The following PLSCR4 variants were observed in gnomAD, a reference collection of about 807,000 sequenced individuals.
The protein encoded by PLSCR4 is phospholipid scramblase 4, also known as Ca(2+)-dependent phospholipid scramblase 4.
A neutral mutation model predicts 36.3 loss-of-function variants in PLSCR4; 25 were observed. That is an observed-to-expected ratio of 0.69 (90% CI 0.50 to 0.96). PLSCR4 has a LOEUF of 0.96. Ranked by LOEUF, PLSCR4 falls within the 40% of genes least tolerant of loss-of-function variation. PLSCR4 has a pLI of 0.00. For synonymous variants in PLSCR4, 122 were observed against 132.9 expected (o/e 0.92, Z 0.56); for missense variants, 408 against 414.7 (o/e 0.98, Z 0.14).
intron 1 of PLSCR4, among the ~76,000 whole-genome samples, chr3:146,239,912 C>A (rs1382075664): frequency 1.3e-5 from 2 of 151,660 alleles, no homozygotes; most frequent in African/African-American, 2.4e-5. Flanking sequence ...TACTTAAATG[C>A]AAAAGATAAA....
At chr3:146,231,311 G>T (rs2035701754) in intron 1 of PLSCR4, among the ~76,000 whole-genome samples, 1 of 152,062 alleles carries the variant, frequency 6.6e-6, no homozygotes, top group African/African-American at 2.4e-5. Flanking sequence ...CTATTGTGCT[G>T]CAATGAATAT....
At chr3:146,196,123 GA>G (rs1239412885) in intron 7 of PLSCR4, among the ~76,000 whole-genome samples, 1 of 151,880 alleles carries the variant, frequency 6.6e-6, no homozygotes, top group Non-Finnish European at 1.5e-5. Context: ...TCTTTTTATT[GA>G]AAAAAATGTT....
chr3:146,239,535 A>C (rs1225951102), intron 1 of PLSCR4, among the ~76,000 whole-genome samples: 2 of 152,014 alleles, frequency 1.3e-5, no homozygotes, highest in Admixed American at 1.3e-4. Flanking sequence ...AAAAAAAAAA[A>C]AAAACTTGGA....
chr3:146,232,740 G>C (rs2035764861), intron 1 of PLSCR4, among the ~76,000 whole-genome samples: 2 of 152,214 alleles, frequency 1.3e-5, no homozygotes, highest in South Asian at 4.1e-4. Context: ...GAGCCTTTGG[G>C]CAAAGACCAT....
intron 4 of PLSCR4, among the ~76,000 whole-genome samples, chr3:146,205,730 T>C (rs1202343972): frequency 6.6e-6 from 1 of 152,072 alleles, no homozygotes; most frequent in Non-Finnish European, 1.5e-5. Context: ...TATGAATGGT[T>C]TATTTCTAGA....
At chr3:146,213,509 G>C (rs1576464854) in intron 3 of PLSCR4, among the ~76,000 whole-genome samples, 1 of 151,920 alleles carries the variant, frequency 6.6e-6, no homozygotes, top group African/African-American at 2.4e-5. Flanking sequence ...TTTTAGTAGA[G>C]ATGGGATTTC....
intron 1 of PLSCR4, among the ~76,000 whole-genome samples, chr3:146,250,134 G>C (rs1346191589): frequency 1.3e-5 from 2 of 152,130 alleles, no homozygotes; most frequent in South Asian, 2.1e-4. Context: ...GTAATGATTA[G>C]CATTCTTGTC....
intron 1 of PLSCR4, among the ~76,000 whole-genome samples, chr3:146,237,161 A>G (rs2035952998): frequency 6.6e-6 from 1 of 152,206 alleles, no homozygotes; most frequent in African/African-American, 2.4e-5. Flanking sequence ...TAACCAAAGA[A>G]GAGCTGCAGT....
At chr3:146,199,567 A>G (rs2033931093) in intron 6 of PLSCR4, among the ~76,000 whole-genome samples, 1 of 152,156 alleles carries the variant, frequency 6.6e-6, no homozygotes, top group Non-Finnish European at 1.5e-5. Context: ...AATCATAATT[A>G]TTGACTACAC....
intron 1 of PLSCR4, among the ~76,000 whole-genome samples, chr3:146,229,282 T>C (rs1046812290): frequency 1.3e-5 from 2 of 152,144 alleles, no homozygotes; most frequent in Non-Finnish European, 2.9e-5. Flanking sequence ...GAAAGAATCA[T>C]GATGTGATTA....
chr3:146,225,468 G>A (rs1407749935), intron 1 of PLSCR4, among the ~76,000 whole-genome samples: 2 of 152,212 alleles, frequency 1.3e-5, no homozygotes, highest in Non-Finnish European at 2.9e-5. Flanking sequence ...GGGACTGGGT[G>A]CGGTGGAGCA....
chr3:146,197,062 T>C (rs1400480526), intron 6 of PLSCR4, among the ~76,000 whole-genome samples: 2 of 152,270 alleles, frequency 1.3e-5, no homozygotes, highest in Non-Finnish European at 2.9e-5. Flanking sequence ...AAGTTCAGTG[T>C]TGGCAAGCTG....
At chr3:146,227,820 G>A (rs72991490) in intron 1 of PLSCR4, among the ~76,000 whole-genome samples, 17,111 of 152,176 alleles carry the variant, frequency 0.11, 2,734 homozygotes, top group African/African-American at 0.36. Flanking sequence ...CTTAGCAGAG[G>A]CAAGAAAAAT....
intron 8 of PLSCR4, 58 bp downstream of exon 8, chr3:146,195,066 C>T (rs915197548): frequency 8.8e-6 from 13 of 1,480,986 alleles, no homozygotes; most frequent in Non-Finnish European, 1.2e-5. Flanking sequence ...CTACACTATA[C>T]TGCTTCTCCA....
intron 4 of PLSCR4, among the ~76,000 whole-genome samples, chr3:146,206,312 T>A (rs1294130640): frequency 6.6e-6 from 1 of 152,160 alleles, no homozygotes; most frequent in African/African-American, 2.4e-5. Context: ...TAAATCCTTA[T>A]GAAAAACATA....
intron 4 of PLSCR4, 26 bp downstream of exon 4, chr3:146,206,500 A>C: frequency 6.5e-7 from 1 of 1,530,872 alleles, no homozygotes; most frequent in Non-Finnish European, 9.1e-7. Flanking sequence ...TTTCATAAGA[A>C]AATAATTTGT....
intron 1 of PLSCR4, 95 bp from the exon 2 acceptor site, chr3:146,222,187 AACCTCCAGTT>A (rs1287366148): frequency 1.1e-5 from 5 of 442,536 alleles, no homozygotes; most frequent in Non-Finnish European, 1.6e-5. Flanking sequence ...TAATTTTTTT[AACCTCCAGTT>A]ACCTTACATT....
At chr3:146,223,498 T>C (rs1202528315) in intron 1 of PLSCR4, among the ~76,000 whole-genome samples, 1 of 152,210 alleles carries the variant, frequency 6.6e-6, no homozygotes, top group East Asian at 1.9e-4. Flanking sequence ...TTTCAATATG[T>C]GATCATGTTC....
At chr3:146,243,245 T>A (rs1050266965) in intron 1 of PLSCR4, among the ~76,000 whole-genome samples, 2 of 152,158 alleles carry the variant, frequency 1.3e-5, no homozygotes, top group African/African-American at 4.8e-5. Flanking sequence ...CATCTTTTTT[T>A]TTATTATACT....
Sources: gnomAD v4.1 joint callset for allele counts (sites outside exome capture counted in the v4.1 genomes callset) on GRCh38, gnomAD v4.1.1 for gene constraint, MANE v1.5 for transcripts, NCBI Gene and HGNC (gene_info 2026-07-23, HGNC 2026-07-21) for gene names.